The following PDGFD variants were observed in gnomAD, a reference collection of about 807,000 sequenced individuals.
The protein encoded by PDGFD is platelet derived growth factor D.
In PDGFD, 30 loss-of-function variants were observed where a neutral mutation model predicts 44.7. The observed-to-expected ratio is 0.67, with a 90% confidence interval of 0.50 to 0.91. The LOEUF is 0.91. Among genes scored for constraint, PDGFD ranks in the 40% least tolerant of loss-of-function variants. The probability of loss-of-function intolerance (pLI) is 0.00; values close to 1 mark genes in which losing one functional copy is unlikely to be tolerated. For missense variants in PDGFD, 445 were observed against 457.8 expected, an observed-to-expected ratio of 0.97 and a Z score of 0.25; for synonymous variants, 173 against 168.4, an observed-to-expected ratio of 1.03 and a Z score of -0.21.
intron 3 of PDGFD, among the ~76,000 whole-genome samples, chr11:103,951,882 C>G (rs1387910689): frequency 6.6e-6 from 1 of 152,154 alleles, no homozygotes; most frequent in African/African-American, 2.4e-5. Flanking sequence ...TGTTGATTGT[C>G]TCTTTCCTCA....
Position 103,909,704 on chromosome 11 carries a change from G to A in PDGFD, c.1103C>T (p.Pro368Leu), listed in dbSNP as rs1857998062. Residue 368 changes from proline to leucine, a missense_variant, in exon 7 of 7, where the codon CCA becomes CTA. Pro to Leu is a moderately conservative substitution (Grantham distance 98, BLOSUM62 -3). Transcript: ENST00000393158. ...ERCDCICSSR[P>L]PR is the part of the protein sequence containing the mutation. ...GATGTGCACATTCTCTTATCGAGGT[G>A]GTCTTGAGCTGCAGATACAATCACA... 8 of 1,614,006 alleles carry A rather than the reference G, an allele frequency of 5.0e-6. No individual in the cohort carries two copies. Among genetic ancestry groups the A allele is most frequent in the East Asian group, 2.2e-5 (1 of 44,874 alleles).
At chr11:104,115,050 C>T (rs1044539691) in intron 1 of PDGFD, among the ~76,000 whole-genome samples, 2 of 151,598 alleles carry the variant, frequency 1.3e-5, no homozygotes, top group Non-Finnish European at 2.9e-5. Context: ...ACACCCCCTC[C>T]CCACCCTCTT....
At chr11:103,987,714 A>G (rs1288038134) in intron 3 of PDGFD, among the ~76,000 whole-genome samples, 1 of 152,208 alleles carries the variant, frequency 6.6e-6, no homozygotes, top group Non-Finnish European at 1.5e-5. Context: ...TAAAATAAAG[A>G]AAGGCTAGTA....
intron 1 of PDGFD, among the ~76,000 whole-genome samples, chr11:104,065,631 A>G (rs1450567450): frequency 3.3e-5 from 5 of 152,198 alleles, no homozygotes; most frequent in South Asian, 2.1e-4. Flanking sequence ...CCGCATTGCT[A>G]TTCAGTACTT....
intron 1 of PDGFD, among the ~76,000 whole-genome samples, chr11:104,126,996 C>T (rs1861851123): frequency 6.6e-6 from 1 of 151,992 alleles, no homozygotes; most frequent in South Asian, 2.1e-4. Context: ...AAGGGGAGTT[C>T]AGAAAGACCT....
intron 5 of PDGFD, among the ~76,000 whole-genome samples, chr11:103,936,500 TAA>T (rs1232583122): frequency 1.3e-5 from 2 of 152,254 alleles, no homozygotes; most frequent in South Asian, 2.1e-4. Flanking sequence ...TATTCTGACT[TAA>T]GAGAACTCAG....
chr11:103,912,212 T>G (rs966355358), intron 6 of PDGFD, among the ~76,000 whole-genome samples: 2 of 152,152 alleles, frequency 1.3e-5, no homozygotes, highest in African/African-American at 2.4e-5. Context: ...GGAAAAAATG[T>G]TAAGGGCAGC....
At chr11:104,107,196 A>G (rs75312941) in intron 1 of PDGFD, among the ~76,000 whole-genome samples, 6 of 152,184 alleles carry the variant, frequency 3.9e-5, no homozygotes, top group African/African-American at 1.4e-4. Context: ...ATTATCCCCA[A>G]AGAGACCGAA....
intron 1 of PDGFD, among the ~76,000 whole-genome samples, chr11:104,024,275 C>CA (rs1229814275): frequency 1.2e-4 from 18 of 149,008 alleles, no homozygotes; most frequent in African/African-American, 3.4e-4. Flanking sequence ...AGGTACCATG[C>CA]AAAAAAAAAG....
chr11:104,067,688 A>C (rs1860811222), intron 1 of PDGFD, among the ~76,000 whole-genome samples: 1 of 152,152 alleles, frequency 6.6e-6, no homozygotes, highest in African/African-American at 2.4e-5. Flanking sequence ...GAAAAAGATA[A>C]ATTTAAAGAT....
chr11:104,154,245 C>T (rs1412963321), intron 1 of PDGFD, among the ~76,000 whole-genome samples: 1 of 152,132 alleles, frequency 6.6e-6, no homozygotes, highest in African/African-American at 2.4e-5. Flanking sequence ...ATCATGGTAA[C>T]AGAGAAAGAG....
rs183890389 is a variant in PDGFD at position 104,020,077 on chromosome 11, A to G, written c.125-19822T>C. ...CCAATGAGTAAATAAACACCAAACAAATTTCTAGGCAGCAAACATTTTAGG... is the reference window on the plus strand; with the variant it reads ...CCAATGAGTAAATAAACACCAAACAGATTTCTAGGCAGCAAACATTTTAGG... On this transcript the variant is annotated intron_variant, in intron 1 of 6. Coordinates refer to ENST00000393158, the MANE Select transcript of PDGFD (RefSeq NM_025208.5). Among the ~76,000 whole-genome samples the G allele has an allele frequency of 9.2e-5, 14 of 152,264 alleles. No individual in the cohort carries two copies. The East Asian group carries it at 2.5e-3, about 27-fold the overall frequency.
intron 5 of PDGFD, among the ~76,000 whole-genome samples, chr11:103,929,103 C>G (rs1227337689): frequency 6.6e-6 from 1 of 152,158 alleles, no homozygotes; most frequent in African/African-American, 2.4e-5. Flanking sequence ...TTCGTTCAGC[C>G]CTCTGCTGAA....
chr11:104,157,882 T>C (rs1862329974), intron 1 of PDGFD, among the ~76,000 whole-genome samples: 1 of 152,174 alleles, frequency 6.6e-6, no homozygotes, highest in Non-Finnish European at 1.5e-5. Flanking sequence ...ACTGCATAGA[T>C]ATTTCAAAAC....
chr11:104,158,570 C>G (rs1389609246), intron 1 of PDGFD, among the ~76,000 whole-genome samples: 1 of 152,218 alleles, frequency 6.6e-6, no homozygotes, highest in Non-Finnish European at 1.5e-5. Context: ...CACTGGCTTA[C>G]GCCTGTAATC....
chr11:103,993,227 CTGTTTTGTTT>C (rs1419754887), intron 3 of PDGFD, among the ~76,000 whole-genome samples: 1 of 151,854 alleles, frequency 6.6e-6, no homozygotes, highest in Non-Finnish European at 1.5e-5. Context: ...GCCATCATGC[CTGTTTTGTTT>C]TGTTTTGTTT....
intron 1 of PDGFD, among the ~76,000 whole-genome samples, chr11:104,082,133 C>T (rs868391101): frequency 2.6e-4 from 30 of 117,552 alleles, no homozygotes; most frequent in East Asian, 1.4e-3. Context: ...CATATACATA[C>T]ATACATATAT....
chr11:104,042,855 A>C (rs887187263), intron 1 of PDGFD, among the ~76,000 whole-genome samples: 1 of 152,232 alleles, frequency 6.6e-6, no homozygotes, highest in African/African-American at 2.4e-5. Flanking sequence ...GATGCAGAGG[A>C]AAATTAATTT....
chr11:104,040,921 T>C lies in PDGFD; in HGVS notation c.125-40666A>G, dbSNP rs192436711. Among the ~76,000 whole-genome samples, 373 of 152,162 alleles carry C rather than the reference T, an allele frequency of 2.5e-3. 1 individual carries two copies. Among genetic ancestry groups the C allele is most frequent in the African/African-American group, 8.2e-3 (339 of 41,560 alleles). On this transcript the variant is annotated intron_variant, in intron 1 of 6. Transcript: ENST00000393158. ...TTATATTTTATGTATCCCACCAAGA[T>C]ATTCTGAAACACAATTTACAAAACA...
Sources: gnomAD v4.1 joint callset for allele counts (sites outside exome capture counted in the v4.1 genomes callset) on GRCh38, gnomAD v4.1.1 for gene constraint, MANE v1.5 for transcripts, NCBI Gene and HGNC (gene_info 2026-07-23, HGNC 2026-07-21) for gene names.